The following KBTBD4 variants were observed in gnomAD, a reference collection of about 807,000 sequenced individuals.
KBTBD4 encodes kelch repeat and BTB domain-containing protein 4.
Under a neutral mutation model 43.9 loss-of-function variants are expected in KBTBD4, and 30 were observed. That is an observed-to-expected ratio of 0.68 (90% CI 0.51 to 0.93). The LOEUF (loss-of-function observed/expected upper bound fraction) is 0.93, where lower values mean the gene tolerates loss of function less well. KBTBD4 is among the 40% of genes least tolerant of loss of function. KBTBD4 has a pLI of 0.00. For synonymous variants in KBTBD4, 258 were observed against 256.9 expected (o/e 1.00, Z -0.04); for missense variants, 575 against 668.8 (o/e 0.86, Z 1.55).
rs2097262377 is a variant in KBTBD4 at position 47,577,590 on chromosome 11, A to C, written c.458T>G (p.Phe153Cys). The change falls in exon 2 of 4, where the codon TTT becomes TGT. Residue 153 changes from phenylalanine (F) to cysteine (C), a missense_variant. By Grantham distance (205) the Phe-to-Cys change is radical. Coordinates refer to ENST00000430070, the MANE Select transcript of KBTBD4 (RefSeq NM_018095.6). ...TCCCACTTGCACTGTGCGGGCCAAA[A>C]ACCGAGAGCATTCCTCAAAGAGAGA... is the stretch of plus-strand genomic sequence containing the variant. ...LTSLFEECSRFLARTVQVGNC... is the reference protein window; with the variant it reads ...LTSLFEECSRCLARTVQVGNC... 1 of 1,614,036 alleles carries C rather than the reference A, an allele frequency of 6.2e-7. No homozygotes were observed. The highest frequency in any genetic ancestry group is 1.3e-5 in the African/African-American group (1 of 74,900).
chr11:47,578,782 T>C, intron 1 of KBTBD4, 151 bp downstream of exon 1: 2 of 1,524,138 alleles, frequency 1.3e-6, no homozygotes, highest in Non-Finnish European at 1.8e-6. Flanking sequence ...GGGGGAGGGG[T>C]GTGTAGCGTA....
At position 47,577,686 on chromosome 11, in the gene KBTBD4, T is replaced by A. The variant is rs766269130; in HGVS notation, c.362A>T (p.His121Leu). 25 of 1,614,200 alleles carry A rather than the reference T, an allele frequency of 1.5e-5. No homozygotes were observed. The highest frequency in any genetic ancestry group is 2.1e-5 in the Non-Finnish European group (25 of 1,180,030). The part of the protein sequence containing the change: ...VFQLLVDYIY[H>L]GTVKLRAEEL... Reference sequence around the variant, plus strand: ...CTCAGCTCGAAGTTTCACAGTCCCATGGTAGATATAATCAACCAGGAGCTG... The same window carrying A: ...CTCAGCTCGAAGTTTCACAGTCCCAAGGTAGATATAATCAACCAGGAGCTG... Residue 121 changes from histidine (H) to leucine (L), a missense_variant, in exon 2 of 4, where the codon CAT (histidine) becomes CTT (leucine). His to Leu is a moderately conservative substitution (Grantham distance 99). Coordinates refer to ENST00000430070, the MANE Select transcript of KBTBD4 (RefSeq NM_018095.6).
At chr11:47,575,024 G>A (rs1441550033) in intron 3 of KBTBD4, among the ~76,000 whole-genome samples, 4 of 151,918 alleles carry the variant, frequency 2.6e-5, no homozygotes, top group Non-Finnish European at 4.4e-5. Context: ...AGACCAGCCT[G>A]GCCAACATGG....
intron 1 of KBTBD4, chr11:47,578,240 A>G: frequency 1.7e-6 from 1 of 595,736 alleles, no homozygotes; most frequent in Non-Finnish European, 3.0e-6. Context: ...CTAATGATAT[A>G]AATAAAAGTT....
rs771393119 is a variant in KBTBD4, at chr11:47,577,169, CTG to C, written c.637+240_637+241del. On this transcript the variant is annotated intron_variant, in intron 2 of 3. Transcript: ENST00000430070. ...ATAATACAAATCACTCCTCACTACT[CTG>C]TGTGGTTAAATGTTGTGCTTTAATT... 9.2e-5 allele frequency among the ~76,000 whole-genome samples: 14 copies of C among 152,208 alleles called. 1 individual carries two copies. The South Asian group carries it at 2.1e-3, about 22-fold the overall frequency.
At chr11:47,574,822 C>G (rs2097256124) in intron 3 of KBTBD4, among the ~76,000 whole-genome samples, 1 of 151,668 alleles carries the variant, frequency 6.6e-6, no homozygotes, top group Non-Finnish European at 1.5e-5. Flanking sequence ...CCATCGCACT[C>G]TAGCCTGGGC....
rs749522423 is a variant in KBTBD4, at chr11:47,573,337, CT to C, written c.1197del (p.Glu402ArgfsTer27). The C allele has an allele frequency of 4.8e-5, 77 of 1,614,082 alleles. No homozygotes were observed. The highest frequency in any genetic ancestry group is 5.7e-5 in the Non-Finnish European group (67 of 1,180,042). On this transcript the variant is annotated frameshift_variant, in exon 4 of 4. Transcript: ENST00000430070. LOFTEE classifies it high-confidence loss of function. The surrounding 1 kb of genome is among the most constrained non-coding windows in gnomAD (Gnocchi z 4.1). ...GANLNGIIYL[L>X]GGEENDLDFF... ...AAGTCCAGATCATTCTCCTCCCCCC[CT>C]AGTAAGTAGATGATCCCGTTGAGGT...
In KBTBD4 at chr11:47,573,669, A is replaced by C. The variant is rs2097253939; in HGVS notation, c.866T>G (p.Leu289Trp). The C allele has an allele frequency of 6.2e-7, 1 of 1,613,022 alleles. No homozygotes were observed. The highest frequency in any genetic ancestry group is 1.7e-5 in the Admixed American group (1 of 60,026). ...GCAGGCCGCAGTGATCTGGTGGCAC[A>C]AACTGTTTTGGCCACTTACACTGAT... is the stretch of plus-strand genomic sequence containing the variant. ...DSISVSGQNS[L>W]CHQITAACKH... The change falls in exon 4 of 4, where the codon TTG (leucine) becomes TGG (tryptophan). Residue 289 changes from leucine (L) to tryptophan (W), a missense_variant. Coordinates refer to ENST00000430070, the MANE Select transcript of KBTBD4 (RefSeq NM_018095.6). The surrounding 1 kb of genome is among the most constrained non-coding windows in gnomAD (Gnocchi z 4.1).
chr11:47,575,237 G>C (rs9666433), intron 3 of KBTBD4, among the ~76,000 whole-genome samples: 6,411 of 150,282 alleles, frequency 0.043, 123 homozygotes, highest in Middle Eastern at 0.066. Flanking sequence ...GGCCGGGCGC[G>C]GGGGCTCATG....
At position 47,577,888 on chromosome 11, in the gene KBTBD4, A is replaced by G. The variant is rs775153545; in HGVS notation, c.160T>C (p.Cys54Arg). Residue 54 changes from cysteine (C) to arginine (R), a missense_variant, in exon 2 of 4, where the codon TGT becomes CGT. Coordinates refer to ENST00000430070, the MANE Select transcript of KBTBD4 (RefSeq NM_018095.6). Reference protein sequence around the residue: ...GRVAQGIMKLCLEEELFADVT... With the variant: ...GRVAQGIMKLRLEEELFADVT... The stretch of plus-strand genomic sequence containing the variant: ...TCAGCAAAGAGCTCCTCCTCTAGAC[A>G]CAGTTTCATGATGCCTTGAGCCACA... 1 of 1,614,158 alleles carries G rather than the reference A, an allele frequency of 6.2e-7. No individual in the cohort carries two copies. Among genetic ancestry groups the G allele is most frequent in the Non-Finnish European group, 8.5e-7 (1 of 1,180,012 alleles).
chr11:47,573,282 C>T lies in KBTBD4; in HGVS notation c.1253G>A (p.Cys418Tyr). 3.1e-6 allele frequency: 5 copies of T among 1,614,194 alleles called. No individual in the cohort carries two copies. Among genetic ancestry groups the T allele is most frequent in the Non-Finnish European group, 4.2e-6 (5 of 1,180,034 alleles). The stretch of plus-strand genomic sequence containing the variant: ...GCATTTGTCTGTCTCTGTGTCAAAG[C>T]ACTGGATGAGTCGGGAAGGTTTGGT... The part of the protein sequence containing the change: ...FFTKPSRLIQ[C>Y]FDTETDKCHV... The change falls in exon 4 of 4, where the codon TGC becomes TAC. Residue 418 changes from cysteine (C) to tyrosine (Y), a missense_variant. Transcript: ENST00000430070. This position sits in a 1 kb window ranked among gnomAD's most constrained non-coding sequence, Gnocchi z 4.1.
chr11:47,573,879 C>A lies in KBTBD4; in HGVS notation c.745-89G>T. The stretch of plus-strand genomic sequence containing the variant: ...CATATCCTTAAGATCCTGGCCCTCA[C>A]ACTTGTTCCTAGCTTTATCATACTA... On this transcript the variant is annotated intron_variant, in intron 3 of 3. Coordinates refer to ENST00000430070, the MANE Select transcript of KBTBD4 (RefSeq NM_018095.6). This position sits in a 1 kb window ranked among gnomAD's most constrained non-coding sequence, Gnocchi z 4.1. 4 of 1,198,868 alleles carry A rather than the reference C, an allele frequency of 3.3e-6. No individual in the cohort carries two copies. Among genetic ancestry groups the A allele is most frequent in the Non-Finnish European group, 4.7e-6 (4 of 854,662 alleles). The allele number at this position is 1,198,868 out of a possible 1,614,324, so 74.3% of individuals were successfully genotyped here. A position where few individuals can be genotyped will look rare whatever the true frequency, so the allele number is the denominator to read the frequency against.
Position 47,573,120 on chromosome 11 carries a change from AG to A in KBTBD4, c.1414del (p.Leu472PhefsTer45). 6.2e-7 allele frequency: 1 copy of A among 1,614,218 alleles called. No individual in the cohort carries two copies. Among genetic ancestry groups the A allele is most frequent in the Non-Finnish European group, 8.5e-7 (1 of 1,180,038 alleles). On this transcript the variant is annotated frameshift_variant, in exon 4 of 4. Transcript: ENST00000430070. LOFTEE classifies it high-confidence loss of function. The surrounding 1 kb of genome is among the most constrained non-coding windows in gnomAD (Gnocchi z 4.1). ...TGGGGCAGAGCTCCAGGCCTCAGGA[AG>A]GCAAAGCCGGGTGAAGCTGTCTAGC... is the stretch of plus-strand genomic sequence containing the variant. Reference protein sequence around the residue: ...PLLDSFTRLCLPEAWSSAPSL... With the variant: ...PLLDSFTRLCXPEAWSSAPSL...
Position 47,577,927 on chromosome 11 carries a change from A to G in KBTBD4, c.121T>C (p.Ser41Pro). ...YFVNYTFKDR[S>P]HSGRVAQGIM... ...CCTTGAGCCACACGGCCTGAATGTG[A>G]CCGATCTTTGAAAGTGTAGTTCACA... The change falls in exon 2 of 4, where the codon TCA becomes CCA. Residue 41 changes from serine (S) to proline (P), a missense_variant. Ser to Pro is a moderately conservative substitution (Grantham distance 74). Coordinates refer to ENST00000430070, the MANE Select transcript of KBTBD4 (RefSeq NM_018095.6). 1 of 1,614,160 alleles carries G rather than the reference A, an allele frequency of 6.2e-7. No homozygotes were observed. The highest frequency in any genetic ancestry group is 1.1e-5 in the South Asian group (1 of 91,076).
chr11:47,577,431 A>G lies in KBTBD4; in HGVS notation c.617T>C (p.Leu206Ser), dbSNP rs2097261836. 1 of 1,606,642 alleles carries G rather than the reference A, an allele frequency of 6.2e-7. No individual in the cohort carries two copies. The change falls in exon 2 of 4, where the codon TTA becomes TCA. Residue 206 changes from leucine (L) to serine (S), a missense_variant. Transcript: ENST00000430070. ...CTTACCCGAGATGATATCTGTGAGT[A>G]AGCGGTGGGGCAAGTGGAGAAATTC... ...TEEFLHLPHR[L>S]LTDIISDGVP... is the part of the protein sequence containing the mutation.
At chr11:47,574,255 G>A (rs2097255222) in intron 3 of KBTBD4, among the ~76,000 whole-genome samples, 1 of 152,174 alleles carries the variant, frequency 6.6e-6, no homozygotes, top group South Asian at 2.1e-4. Flanking sequence ...TCAGCACTTT[G>A]GGAGGCCGAG....
At position 47,577,584 on chromosome 11, in the gene KBTBD4, G is replaced by A; in HGVS notation, c.464C>T (p.Ala155Val). ...GCAGTTTCCCACTTGCACTGTGCGGGCCAAAAACCGAGAGCATTCCTCAAA... is the reference window on the plus strand; with the variant it reads ...GCAGTTTCCCACTTGCACTGTGCGGACCAAAAACCGAGAGCATTCCTCAAA... ...SLFEECSRFL[A>V]RTVQVGNCLQ... is the part of the protein sequence containing the mutation. Residue 155 changes from alanine to valine, a missense_variant, in exon 2 of 4, where the codon GCC becomes GTC. Physicochemically the swap from Ala to Val is moderately conservative, Grantham distance 64 (BLOSUM62 0). Coordinates refer to ENST00000430070, the MANE Select transcript of KBTBD4 (RefSeq NM_018095.6). 6.2e-7 allele frequency: 1 copy of A among 1,614,126 alleles called. No homozygotes were observed. The highest frequency in any genetic ancestry group is 8.5e-7 in the Non-Finnish European group (1 of 1,180,020).
rs1302712370 is a variant in KBTBD4 at position 47,572,707 on chromosome 11, T to G, written c.*223A>C. 2.6e-5 allele frequency: 15 copies of G among 569,380 alleles called. No individual in the cohort carries two copies. The highest frequency in any genetic ancestry group is 9.5e-5 in the Admixed American group (3 of 31,522). 35.3% of individuals were successfully genotyped at this position (569,380 alleles called of 1,614,324 possible). A position where few individuals can be genotyped will look rare whatever the true frequency, so the allele number is the denominator to read the frequency against. On this transcript the variant is annotated 3_prime_UTR_variant, in exon 4 of 4. Transcript: ENST00000430070. The stretch of plus-strand genomic sequence containing the variant: ...GGTGAGGCACAGGATGACTAGGGAA[T>G]GGCAGAGAACAGGCTGGCCTACTGT...
chr11:47,577,747 C>T lies in KBTBD4; in HGVS notation c.301G>A (p.Val101Met), dbSNP rs778920724. 1.2e-6 allele frequency: 2 copies of T among 1,614,184 alleles called. No individual in the cohort carries two copies. Among genetic ancestry groups the T allele is most frequent in the Non-Finnish European group, 1.7e-6 (2 of 1,180,040 alleles). The change falls in exon 2 of 4, where the codon GTG (valine) becomes ATG (methionine). Residue 101 changes from valine (V) to methionine (M), a missense_variant. Transcript: ENST00000430070. ...TSNLKEAHNR[V>M]IVLQDVSESV... ...TCGCTGACATCCTGCAGCACAATCACCCGGTTGTGGGCCTCCTTCAGGTTG... is the reference window on the plus strand; with the variant it reads ...TCGCTGACATCCTGCAGCACAATCATCCGGTTGTGGGCCTCCTTCAGGTTG...
Sources: gnomAD v4.1 joint callset for allele counts (sites outside exome capture counted in the v4.1 genomes callset) on GRCh38, gnomAD v4.1.1 for gene constraint, Gnocchi (gnomAD v3.1) non-coding constraint, MANE v1.5 for transcripts, NCBI Gene and HGNC (gene_info 2026-07-23, HGNC 2026-07-21) for gene names.